Variants in FYN observed in about 807,000 individuals in gnomAD.
FYN encodes tyrosine-protein kinase Fyn.
A neutral mutation model predicts 70.2 loss-of-function variants in FYN; 10 were observed. The ratio of observed to expected loss-of-function variants is 0.14; its 90% CI spans 0.09 to 0.24. The LOEUF is 0.24. Among genes scored for constraint, FYN ranks in the 10% least tolerant of loss-of-function variants. The pLI, the probability that FYN is intolerant of heterozygous loss-of-function variation, is 1.00. For missense variants in FYN, 319 were observed against 673.1 expected (o/e 0.47, Z 5.82); for synonymous variants, 236 against 248.6 (o/e 0.95, Z 0.48).
intron 2 of FYN, among the ~76,000 whole-genome samples, chr6:111,804,402 C>T (rs1199185564): frequency 6.6e-6 from 1 of 152,196 alleles, no homozygotes; most frequent in Non-Finnish European, 1.5e-5. Context: ...AGCTCATAAG[C>T]AGACTACTGG....
At chr6:111,869,196 T>G (rs1774199805) in intron 1 of FYN, among the ~76,000 whole-genome samples, 1 of 152,364 alleles carries the variant, frequency 6.6e-6, no homozygotes, top group East Asian at 1.9e-4. Flanking sequence ...GGAAGCTCAC[T>G]TAACCTCCGT....
At chr6:111,705,934 CA>C (rs1800070894) in intron 6 of FYN, among the ~76,000 whole-genome samples, 1 of 152,172 alleles carries the variant, frequency 6.6e-6, no homozygotes, top group African/African-American at 2.4e-5. Flanking sequence ...AGGAGGGAGC[CA>C]TCACGGTGGA....
At chr6:111,776,179 A>G (rs956022408) in intron 3 of FYN, among the ~76,000 whole-genome samples, 3 of 152,190 alleles carry the variant, frequency 2.0e-5, no homozygotes, top group Non-Finnish European at 2.9e-5. Flanking sequence ...GTCTTAAAGA[A>G]CAAAAGTAAA....
At chr6:111,802,249 CCT>C (rs924350865) in intron 2 of FYN, among the ~76,000 whole-genome samples, 2 of 151,238 alleles carry the variant, frequency 1.3e-5, no homozygotes, top group Non-Finnish European at 2.9e-5. Context: ...CCCACTTCCC[CCT>C]CTCCTCTTCC....
chr6:111,838,810 G>C (rs996291273), intron 2 of FYN, among the ~76,000 whole-genome samples: 2 of 152,180 alleles, frequency 1.3e-5, no homozygotes, highest in African/African-American at 4.8e-5. Context: ...GTTATCACTT[G>C]CCTCACGTTC....
chr6:111,720,980 T>G (rs1449130776), intron 3 of FYN, among the ~76,000 whole-genome samples: 1 of 152,110 alleles, frequency 6.6e-6, no homozygotes, highest in Non-Finnish European at 1.5e-5. Flanking sequence ...CTTCCCACTC[T>G]TCCTGTCTCG....
intron 7 of FYN, among the ~76,000 whole-genome samples, chr6:111,703,567 T>C (rs1413402979): frequency 1.3e-5 from 2 of 152,214 alleles, no homozygotes; most frequent in Non-Finnish European, 2.9e-5. Flanking sequence ...TGTCTCCTCT[T>C]GTGGGTTGTA....
At chr6:111,669,402 T>G (rs1260736335) in intron 13 of FYN, among the ~76,000 whole-genome samples, 1 of 132,304 alleles carries the variant, frequency 7.6e-6, no homozygotes, top group Non-Finnish European at 1.5e-5. Context: ...GCCACTGCAT[T>G]CCCGTCTGGC....
chr6:111,798,446 A>G (rs1771888049), intron 2 of FYN: 1 of 152,222 alleles, frequency 6.6e-6, no homozygotes, highest in African/African-American at 2.4e-5. Context: ...GACTTTGACA[A>G]TACATTCATT....
At position 111,813,403 on chromosome 6, in the gene FYN, A is replaced by C. The variant is rs1431754686; in HGVS notation, c.-81-32768T>G. ...CATGAAATGCAAACTTGAGAGAATA[A>C]TCATACTGCACTAGCCTCATTTACA... On this transcript the variant is annotated intron_variant, in intron 2 of 13. Transcript: ENST00000354650. Among the ~76,000 whole-genome samples the C allele has an allele frequency of 1.3e-5, 2 of 152,222 alleles. 1 individual carries two copies. Among genetic ancestry groups the C allele is most frequent in the Admixed American group, 1.3e-4 (2 of 15,286 alleles).
At position 111,661,372 on chromosome 6, in the gene FYN, T is replaced by C. The variant is rs1797724248; in HGVS notation, c.*367A>G. 2 of 169,084 alleles carry C rather than the reference T, an allele frequency of 1.2e-5. No individual in the cohort carries two copies. Among genetic ancestry groups the C allele is most frequent in the Non-Finnish European group, 2.5e-5 (2 of 79,570 alleles). 10.5% of individuals were successfully genotyped at this position (169,084 alleles called of 1,614,324 possible). ...TAATACTTTTTTTTTTTTAGTTGAA[T>C]CAGGTGAAGACAGAGTTAAAATCAC... is the stretch of plus-strand genomic sequence containing the variant. On this transcript the variant is annotated 3_prime_UTR_variant, in exon 14 of 14. Coordinates refer to ENST00000354650, the MANE Select transcript of FYN (RefSeq NM_002037.5). The surrounding 1 kb of genome is among the most constrained non-coding windows in gnomAD (Gnocchi z 4.0).
At chr6:111,700,361 C>CTGTTTG in intron 8 of FYN, 93 bp from the exon 9 acceptor site, 1 of 1,289,868 alleles carries the variant, frequency 7.8e-7, no homozygotes, top group Non-Finnish European at 1.1e-6. Context: ...TAGCGGCGCA[C>CTGTTTG]AGTGCTCCTC....
rs62413691 is a variant in FYN, at chr6:111,791,244, G to C, written c.-81-10609C>G. ...ATAAAATAGAATGTCCAAAAATAGA[G>C]CTACACAGTCACCTAACTTATGCAA... On this transcript the variant is annotated intron_variant, in intron 2 of 13. Coordinates refer to ENST00000354650, the MANE Select transcript of FYN (RefSeq NM_002037.5). Among the ~76,000 whole-genome samples, 862 of 151,948 alleles carry C rather than the reference G, an allele frequency of 5.7e-3. 3 individuals carry two copies. Among genetic ancestry groups the C allele is most frequent in the South Asian group, 0.01 (50 of 4,790 alleles).
chr6:111,700,658 A>T (rs1315227603), intron 8 of FYN, among the ~76,000 whole-genome samples: 1 of 152,216 alleles, frequency 6.6e-6, no homozygotes, highest in Non-Finnish European at 1.5e-5. Flanking sequence ...TGCTAATAAC[A>T]TGTTTTTGGG....
chr6:111,754,759 G>A (rs1802642170), intron 3 of FYN: 1 of 152,012 alleles, frequency 6.6e-6, no homozygotes, highest in Non-Finnish European at 1.5e-5. Flanking sequence ...TTCCTTAATA[G>A]GTGCCCACTA....
chr6:111,846,576 C>T lies in FYN; in HGVS notation c.-82+13G>A. On this transcript the variant is annotated intron_variant, in intron 2 of 13. Coordinates refer to ENST00000354650, the MANE Select transcript of FYN (RefSeq NM_002037.5). ...CAAGGCACTTGCTCTCAGTGCAAAA[C>T]TTGCCAACTTACTTTTTCCACGTTT... is the stretch of plus-strand genomic sequence containing the variant. 2.5e-6 allele frequency: 1 copy of T among 398,936 alleles called. No homozygotes were observed. The highest frequency in any genetic ancestry group is 4.4e-6 in the Non-Finnish European group (1 of 226,060). 24.7% of individuals were successfully genotyped at this position (398,936 alleles called of 1,614,324 possible). A position where few individuals can be genotyped will look rare whatever the true frequency, so the allele number is the denominator to read the frequency against.
chr6:111,671,805 C>A (rs1260802839), intron 13 of FYN, among the ~76,000 whole-genome samples: 1 of 152,186 alleles, frequency 6.6e-6, no homozygotes, highest in Middle Eastern at 3.2e-3. Context: ...CTTCGTGAAA[C>A]CTCTTGTTCC....
intron 4 of FYN, among the ~76,000 whole-genome samples, chr6:111,716,987 T>C (rs1424755383): frequency 6.6e-6 from 1 of 152,116 alleles, no homozygotes; most frequent in Non-Finnish European, 1.5e-5. Context: ...GGTTTCACCA[T>C]GTTGGGCAGG....
intron 2 of FYN, among the ~76,000 whole-genome samples, chr6:111,785,774 CTCG>C (rs1771348441): frequency 6.6e-6 from 1 of 151,092 alleles, no homozygotes; most frequent in Non-Finnish European, 1.5e-5. Context: ...CACCCATTAA[CTCG>C]TCATTTACAT....
Sources: allele counts gnomAD v4.1 joint callset (sites outside exome capture counted in the v4.1 genomes callset), GRCh38; gene constraint gnomAD v4.1.1; non-coding constraint Gnocchi (gnomAD v3.1); transcripts MANE v1.5; gene names NCBI Gene and HGNC (gene_info 2026-07-23, HGNC 2026-07-21).